The following TULP4 variants were observed in gnomAD, a reference collection of about 807,000 sequenced individuals.
TULP4 encodes TUB like protein 4, also known as tubby-related protein 4.
In TULP4, 16 loss-of-function variants were observed where a neutral mutation model predicts 129.0. That is an observed-to-expected ratio of 0.12 (90% confidence interval 0.08 to 0.19). The LOEUF is 0.19. TULP4 is among the 10% of genes least tolerant of loss of function. TULP4 has a pLI of 1.00. For missense variants in TULP4, 1,842 were observed against 2,059.1 expected, an observed-to-expected ratio of 0.89 and a Z score of 2.04; for synonymous variants, 998 against 854.0, an observed-to-expected ratio of 1.17 and a Z score of -2.94.
rs1779751076 is a variant in TULP4, at chr6:158,473,898, GCCTCAA to G, written c.1027-5848_1027-5843del. ...AGTGGCATGATCATAGCTCACTGTA[GCCTCAA>G]CCTCCTGGGCTCAAACGATCCTCCT... On this transcript the variant is annotated intron_variant, in intron 6 of 13. Coordinates refer to ENST00000367097, the MANE Select transcript of TULP4 (RefSeq NM_020245.5). Among the ~76,000 whole-genome samples the G allele has an allele frequency of 3.3e-5, 5 of 151,506 alleles. No homozygotes were observed. The South Asian group carries it at 1.0e-3, about 32-fold the overall frequency.
At chr6:158,327,185 A>G (rs1260603854) in intron 1 of TULP4, among the ~76,000 whole-genome samples, 1 of 152,214 alleles carries the variant, frequency 6.6e-6, no homozygotes, top group Non-Finnish European at 1.5e-5. Context: ...AGGGCTTTTT[A>G]AAATTGACTA....
chr6:158,504,780 A>G (rs1001945999), intron 13 of TULP4, among the ~76,000 whole-genome samples: 17 of 152,134 alleles, frequency 1.1e-4, no homozygotes, highest in Middle Eastern at 3.4e-3. Flanking sequence ...GCGTGAGCCA[A>G]CGCACCTGGC....
intron 1 of TULP4, 77 bp from the exon 2 acceptor site, chr6:158,412,988 G>C: frequency 6.5e-7 from 1 of 1,541,302 alleles, no homozygotes. Context: ...ATTAGTTCAA[G>C]TCTGATCACA....
intron 1 of TULP4, among the ~76,000 whole-genome samples, chr6:158,403,672 T>C (rs1413948465): frequency 6.6e-6 from 1 of 152,228 alleles, no homozygotes; most frequent in Non-Finnish European, 1.5e-5. Flanking sequence ...ACTTGATAAT[T>C]ACTACGCTAT....
chr6:158,234,165 T>A (rs1777646292), intron 1 of TULP4, among the ~76,000 whole-genome samples: 1 of 152,256 alleles, frequency 6.6e-6, no homozygotes, highest in African/African-American at 2.4e-5. Context: ...TAAATCATAT[T>A]TATCTTTCAG....
chr6:158,274,397 T>C (rs910546054), intron 1 of TULP4, among the ~76,000 whole-genome samples: 2 of 152,220 alleles, frequency 1.3e-5, no homozygotes, highest in Admixed American at 6.5e-5. Flanking sequence ...TGCAGCAGCC[T>C]CCTGCCTGTG....
At chr6:158,442,990 T>G (rs1246435329) in intron 3 of TULP4, among the ~76,000 whole-genome samples, 2 of 151,526 alleles carry the variant, frequency 1.3e-5, no homozygotes, top group Non-Finnish European at 2.9e-5. Flanking sequence ...GCTTGTTTGT[T>G]TGTTTGTTTT....
chr6:158,250,454 C>T (rs4235957), intron 1 of TULP4, among the ~76,000 whole-genome samples: 50,054 of 152,106 alleles, frequency 0.33, 9,235 homozygotes, highest in Admixed American at 0.45. Flanking sequence ...CTATACCTGG[C>T]GCCAAAATGC....
chr6:158,278,697 T>A (rs1446116191), upstream of TULP4, among the ~76,000 whole-genome samples: 1 of 152,170 alleles, frequency 6.6e-6, no homozygotes, highest in Non-Finnish European at 1.5e-5. Context: ...TATTTTGTTT[T>A]TTAATAGGTG....
chr6:158,367,892 A>G (rs1776961165), intron 1 of TULP4, among the ~76,000 whole-genome samples: 1 of 149,296 alleles, frequency 6.7e-6, no homozygotes, highest in African/African-American at 2.5e-5. Context: ...AGCCTGGGCA[A>G]CATGGTGAAA....
chr6:158,254,979 G>A (rs996541629), intron 1 of TULP4, among the ~76,000 whole-genome samples: 1 of 152,218 alleles, frequency 6.6e-6, no homozygotes, highest in Non-Finnish European at 1.5e-5. Flanking sequence ...GGCTGAGTCA[G>A]GAGAATCACT....
In TULP4 at chr6:158,343,508, A is replaced by T. The variant is rs1780234244; in HGVS notation, c.252+29240A>T. On this transcript the variant is annotated intron_variant, in intron 1 of 13. Coordinates refer to ENST00000367097, the MANE Select transcript of TULP4 (RefSeq NM_020245.5). Reference sequence around the variant, plus strand: ...TTGGGAAGTGATTTGGGTCATGAGGATGGAGCCATCACGAATGGCCTTCTT... The same window carrying T: ...TTGGGAAGTGATTTGGGTCATGAGGTTGGAGCCATCACGAATGGCCTTCTT... Among the ~76,000 whole-genome samples the T allele has an allele frequency of 3.3e-5, 5 of 152,132 alleles. No homozygotes were observed. In the South Asian group the frequency reaches 1.0e-3, roughly 31 times the overall value.
intron 1 of TULP4, among the ~76,000 whole-genome samples, chr6:158,410,304 G>C (rs1778065723): frequency 6.6e-6 from 1 of 152,176 alleles, no homozygotes; most frequent in African/African-American, 2.4e-5. Context: ...TTTTGTGTTT[G>C]TGTCATGCTG....
rs1779410769 is a variant in TULP4 at position 158,313,461 on chromosome 6, AAC to A, written c.-554_-553del. On this transcript the variant is annotated 5_prime_UTR_variant, in exon 1 of 14. The change creates a new upstream start codon in the 5' untranslated region. Transcript: ENST00000367097. ...CAGCAGAAATTTGTCTAGTTCAGGA[AAC>A]ATGCTAGAGGGTGGCTTCAGAAGGA... 5.0e-6 allele frequency: 2 copies of A among 399,540 alleles called. No individual in the cohort carries two copies. Among genetic ancestry groups the A allele is most frequent in the East Asian group, 7.1e-5 (2 of 28,080 alleles). The allele number at this position is 399,540 out of a possible 1,614,324, so 24.7% of individuals were successfully genotyped here. A position where few individuals can be genotyped will look rare whatever the true frequency, so the allele number is the denominator to read the frequency against.
intron 5 of TULP4, among the ~76,000 whole-genome samples, chr6:158,458,119 A>G (rs553985161): frequency 1.3e-5 from 2 of 152,294 alleles, no homozygotes; most frequent in South Asian, 2.1e-4. Flanking sequence ...CAGACTCCAA[A>G]CAGTAGCTGC....
At chr6:158,280,478 T>C (rs180788594), upstream of TULP4, among the ~76,000 whole-genome samples, 407 of 152,386 alleles carry the variant, frequency 2.7e-3, no homozygotes, top group African/African-American at 9.4e-3. Flanking sequence ...AATTAGTTTC[T>C]TACAGAAATT....
rs10650311 is a variant in TULP4, at chr6:158,388,322, C to CTTTTTT, written c.253-24723_253-24718dup. Among the ~76,000 whole-genome samples the CTTTTTT allele has an allele frequency of 3.1e-3, 271 of 86,274 alleles. 8 individuals are homozygous for CTTTTTT. The highest frequency in any genetic ancestry group is 4.7e-3 in the African/African-American group (94 of 20,182). 56.6% of individuals were successfully genotyped at this position (86,274 alleles called of 152,430 possible). The stretch of plus-strand genomic sequence containing the variant: ...AAAGAAAAATAATCTGCTCGTTTTT[C>CTTTTTT]TTTTTTTTTTTTTTTTTTTTTTTTT... On this transcript the variant is annotated intron_variant, in intron 1 of 13. Coordinates refer to ENST00000367097, the MANE Select transcript of TULP4 (RefSeq NM_020245.5).
chr6:158,319,020 A>G (rs1422036709), intron 1 of TULP4, among the ~76,000 whole-genome samples: 1 of 151,226 alleles, frequency 6.6e-6, no homozygotes, highest in Non-Finnish European at 1.5e-5. Flanking sequence ...TGCTGGGATT[A>G]TAGGTGAGAG....
intron 1 of TULP4, among the ~76,000 whole-genome samples, chr6:158,340,000 G>A (rs73794594): frequency 0.027 from 4,062 of 152,262 alleles, 194 homozygotes; most frequent in African/African-American, 0.092. Flanking sequence ...CCCTCTGTTC[G>A]GGGTCCCTGA....
Sources: gnomAD v4.1 joint callset for allele counts (sites outside exome capture counted in the v4.1 genomes callset) on GRCh38, gnomAD v4.1.1 for gene constraint, MANE v1.5 for transcripts, NCBI Gene and HGNC (gene_info 2026-07-23, HGNC 2026-07-21) for gene names.